KIRREL3: variants seen among roughly 807,000 people sequenced by gnomAD.
KIRREL3 encodes kin of IRRE-like protein 3.
KIRREL3 carries 36 observed loss-of-function variants against 89.7 expected under a neutral mutation model. That is an observed-to-expected ratio of 0.40 (90% CI 0.31 to 0.53). The LOEUF is 0.53. Among genes scored for constraint, KIRREL3 ranks in the 20% least tolerant of loss-of-function variants. KIRREL3 has a pLI of 0.49. For missense variants in KIRREL3, 864 were observed against 1,056.6 expected (o/e 0.82, Z 2.53); for synonymous variants, 445 against 441.4 (o/e 1.01, Z -0.10).
rs1947455900 is a variant in KIRREL3, at chr11:126,704,757, T to C, written c.56-141845A>G. On this transcript the variant is annotated intron_variant, in intron 1 of 16. Transcript: ENST00000525144. This position sits in a 1 kb window ranked among gnomAD's most constrained non-coding sequence, Gnocchi z 4.2. ...AGGTCACTTTTGGGCTAGCTACCTA[T>C]ACCAGTCCAAAGGCTTGATACAGGA... Among the ~76,000 whole-genome samples the C allele has an allele frequency of 6.6e-6, 1 of 152,216 alleles. No homozygotes were observed. Among genetic ancestry groups the C allele is most frequent in the Non-Finnish European group, 1.5e-5 (1 of 68,032 alleles).
chr11:126,819,751 A>T (rs113390531), intron 1 of KIRREL3, among the ~76,000 whole-genome samples: 10 of 152,228 alleles, frequency 6.6e-5, no homozygotes, highest in African/African-American at 2.4e-4. Flanking sequence ...ATAATCTGCC[A>T]ATGTACTTAT....
rs1363224146 is a variant in KIRREL3 at position 126,791,034 on chromosome 11, C to A, written c.55+209421G>T. The stretch of plus-strand genomic sequence containing the variant: ...ATTTGTCGATGAGAATGCAAATGAG[C>A]ATGATGTCACTTCTTAGCTTTGGGA... On this transcript the variant is annotated intron_variant, in intron 1 of 16. Transcript: ENST00000525144. The surrounding 1 kb of genome is among the most constrained non-coding windows in gnomAD (Gnocchi z 4.8). Among the ~76,000 whole-genome samples, 1 of 152,144 alleles carries A rather than the reference C, an allele frequency of 6.6e-6. No homozygotes were observed. Among genetic ancestry groups the A allele is most frequent in the African/African-American group, 2.4e-5 (1 of 41,432 alleles).
In KIRREL3 at chr11:126,429,080, C is replaced by T. The variant is rs1955038221; in HGVS notation, c.1806+99G>A. 5.3e-6 allele frequency: 4 copies of T among 761,848 alleles called. No individual in the cohort carries two copies. The East Asian group carries it at 1.1e-4, about 21-fold the overall frequency. 47.2% of individuals were successfully genotyped at this position (761,848 alleles called of 1,614,324 possible). The stretch of plus-strand genomic sequence containing the variant: ...GGCAGGGGGCATCTTGAACGCTGCT[C>T]TGCTTTTTGGAAGCATCTAGTTCAT... On this transcript the variant is annotated intron_variant, in intron 15 of 16. Coordinates refer to ENST00000525144, the MANE Select transcript of KIRREL3 (RefSeq NM_032531.4). This position sits in a 1 kb window ranked among gnomAD's most constrained non-coding sequence, Gnocchi z 5.2.
At chr11:126,923,236 TC>T (rs1166863473) in intron 1 of KIRREL3, among the ~76,000 whole-genome samples, 2 of 46,096 alleles carry the variant, frequency 4.3e-5, no homozygotes, top group Non-Finnish European at 9.6e-5. Context: ...TTCTTCTTCT[TC>T]TTCTTCTTCT....
chr11:126,850,054 A>G (rs942729217), intron 1 of KIRREL3, among the ~76,000 whole-genome samples: 4 of 152,240 alleles, frequency 2.6e-5, no homozygotes, highest in Non-Finnish European at 5.9e-5. Context: ...CTTGTCAGGT[A>G]TCAACAGTAC....
rs888354064 is a variant in KIRREL3, at chr11:126,817,893, A to T, written c.55+182562T>A. On this transcript the variant is annotated intron_variant, in intron 1 of 16. Coordinates refer to ENST00000525144, the MANE Select transcript of KIRREL3 (RefSeq NM_032531.4). This position sits in a 1 kb window ranked among gnomAD's most constrained non-coding sequence, Gnocchi z 5.7. Reference sequence around the variant, plus strand: ...ACAACCCACGGGTGGGAAGCTCTAGATCTTGGCACCCCGTCCTCTTGGCTC... The same window carrying T: ...ACAACCCACGGGTGGGAAGCTCTAGTTCTTGGCACCCCGTCCTCTTGGCTC... Among the ~76,000 whole-genome samples the T allele has an allele frequency of 1.3e-5, 2 of 152,116 alleles. No homozygotes were observed. Among genetic ancestry groups the T allele is most frequent in the Non-Finnish European group, 2.9e-5 (2 of 68,012 alleles).
chr11:126,918,102 G>C lies in KIRREL3; in HGVS notation c.55+82353C>G, dbSNP rs923758672. 6.6e-6 allele frequency among the ~76,000 whole-genome samples: 1 copy of C among 152,134 alleles called. No individual in the cohort carries two copies. Among genetic ancestry groups the C allele is most frequent in the African/African-American group, 2.4e-5 (1 of 41,420 alleles). The stretch of plus-strand genomic sequence containing the variant: ...CCCATAATGATATGCATGCCTCTCA[G>C]AGGGAAGACAGAGACTCACGGTATG... On this transcript the variant is annotated intron_variant, in intron 1 of 16. Coordinates refer to ENST00000525144, the MANE Select transcript of KIRREL3 (RefSeq NM_032531.4). This position sits in a 1 kb window ranked among gnomAD's most constrained non-coding sequence, Gnocchi z 6.5.
At position 126,563,293 on chromosome 11, in the gene KIRREL3, G is replaced by T. The variant is rs1940265256; in HGVS notation, c.56-381C>A. Among the ~76,000 whole-genome samples, 1 of 152,184 alleles carries T rather than the reference G, an allele frequency of 6.6e-6. No homozygotes were observed. Among genetic ancestry groups the T allele is most frequent in the African/African-American group, 2.4e-5 (1 of 41,452 alleles). ...AGGCCCTTTGTATCTCAGGCTTGGG[G>T]ACTATGCTCAGATCAACTTGGGACT... On this transcript the variant is annotated intron_variant, in intron 1 of 16. Transcript: ENST00000525144. This position sits in a 1 kb window ranked among gnomAD's most constrained non-coding sequence, Gnocchi z 6.8.
At chr11:126,460,041 T>C (rs1057481537) in intron 6 of KIRREL3, among the ~76,000 whole-genome samples, 5 of 151,014 alleles carry the variant, frequency 3.3e-5, no homozygotes, top group Non-Finnish European at 7.4e-5. Flanking sequence ...ATGCAGCCCA[T>C]GGTGTCCTTA....
At chr11:126,922,263 C>T (rs758196559) in intron 1 of KIRREL3, among the ~76,000 whole-genome samples, 4 of 152,046 alleles carry the variant, frequency 2.6e-5, no homozygotes, top group Non-Finnish European at 4.4e-5. Flanking sequence ...CAACTGGCCC[C>T]TCCATGCTGC....
intron 1 of KIRREL3, among the ~76,000 whole-genome samples, chr11:126,833,546 A>G (rs1943681049): frequency 6.6e-6 from 1 of 152,214 alleles, no homozygotes; most frequent in Non-Finnish European, 1.5e-5. Context: ...CCCTTTGGAG[A>G]GCCAGGGAAT....
At chr11:126,718,164 T>A (rs919760263) in intron 1 of KIRREL3, among the ~76,000 whole-genome samples, 2 of 152,150 alleles carry the variant, frequency 1.3e-5, no homozygotes, top group African/African-American at 4.8e-5. Context: ...TCTCACACCC[T>A]TCCATCTCCT....
intron 1 of KIRREL3, among the ~76,000 whole-genome samples, chr11:126,727,644 G>A (rs1948444903): frequency 1.3e-5 from 2 of 152,172 alleles, no homozygotes; most frequent in Non-Finnish European, 1.5e-5. Context: ...CTGCATTTTT[G>A]TGGTCCTCCT....
intron 2 of KIRREL3, among the ~76,000 whole-genome samples, chr11:126,543,610 A>G (rs183482746): frequency 6.6e-6 from 1 of 151,968 alleles, no homozygotes; most frequent in Admixed American, 6.6e-5. Flanking sequence ...TGTGCCCCCT[A>G]CCTGCCCCCA....
intron 9 of KIRREL3, among the ~76,000 whole-genome samples, chr11:126,446,285 C>CTTTCTTTCTTTCTTTCTTT (rs111774154): frequency 7.0e-6 from 1 of 143,280 alleles, no homozygotes; most frequent in Admixed American, 7.2e-5. Flanking sequence ...TTTTCTTTCT[C>CTTTCTTTCTTTCTTTCTTT]CTTTCTTTCT....
intron 1 of KIRREL3, among the ~76,000 whole-genome samples, chr11:126,845,582 T>C (rs1300581687): frequency 6.6e-6 from 1 of 152,138 alleles, no homozygotes; most frequent in Non-Finnish European, 1.5e-5. Flanking sequence ...TGGTCAGCCA[T>C]GTCCTTAGAA....
intron 1 of KIRREL3, among the ~76,000 whole-genome samples, chr11:126,988,960 G>A (rs1014564418): frequency 2.0e-5 from 3 of 152,014 alleles, no homozygotes; most frequent in African/African-American, 7.3e-5. Flanking sequence ...TTCTATTAAG[G>A]TATCCCAAAA....
At chr11:126,894,447 G>A (rs1946057206) in intron 1 of KIRREL3, among the ~76,000 whole-genome samples, 1 of 141,882 alleles carries the variant, frequency 7.0e-6, no homozygotes, top group South Asian at 2.3e-4. Flanking sequence ...GGTGCCTCAT[G>A]CTTATGACCC....
rs914667832 is a variant in KIRREL3, at chr11:126,877,678, G to A, written c.55+122777C>T. Among the ~76,000 whole-genome samples, 2 of 152,170 alleles carry A rather than the reference G, an allele frequency of 1.3e-5. No homozygotes were observed. The highest frequency in any genetic ancestry group is 4.8e-5 in the African/African-American group (2 of 41,432). ...TTTGGCTAGCATAACTGGTGCATGT[G>A]CAAGTATAATTTTGAACAGGGAGAG... is the stretch of plus-strand genomic sequence containing the variant. On this transcript the variant is annotated intron_variant, in intron 1 of 16. Transcript: ENST00000525144. This position sits in a 1 kb window ranked among gnomAD's most constrained non-coding sequence, Gnocchi z 4.9.
Sources: gnomAD v4.1 joint callset for allele counts (sites outside exome capture counted in the v4.1 genomes callset) on GRCh38, gnomAD v4.1.1 for gene constraint, Gnocchi (gnomAD v3.1) non-coding constraint, MANE v1.5 for transcripts, NCBI Gene and HGNC (gene_info 2026-07-23, HGNC 2026-07-21) for gene names.